The following AGA variants were observed in gnomAD, a reference collection of about 807,000 sequenced individuals.
AGA encodes the protein N(4)-(beta-N-acetylglucosaminyl)-L-asparaginase.
In AGA, 31 loss-of-function variants were observed where a neutral mutation model predicts 40.1. That is an observed-to-expected ratio of 0.77 (90% CI 0.58 to 1.04). The LOEUF is 1.04. Among genes scored for constraint, AGA ranks in the 50% least tolerant of loss-of-function variants. AGA has a pLI of 0.00. For missense variants in AGA, 445 were observed against 435.4 expected (o/e 1.02, Z -0.20); for synonymous variants, 148 against 144.0 (o/e 1.03, Z -0.20).
intron 6 of AGA, among the ~76,000 whole-genome samples, chr4:177,435,785 C>T (rs1560947589): frequency 2.0e-5 from 3 of 150,286 alleles, no homozygotes; most frequent in Non-Finnish European, 3.0e-5. Flanking sequence ...GAGCCCTGAG[C>T]GTGCACGCAC....
Position 177,438,871 on chromosome 4 carries a change from A to T in AGA, c.395-14T>A, listed in dbSNP as rs1001103607. The T allele has an allele frequency of 2.1e-6, 3 of 1,447,274 alleles. No homozygotes were observed. The African/African-American group carries it at 4.2e-5, about 20-fold the overall frequency. The allele number at this position is 1,447,274 out of a possible 1,614,324, so 89.7% of individuals were successfully genotyped here. A position where few individuals can be genotyped will look rare whatever the true frequency, so the allele number is the denominator to read the frequency against. ...CAAATGTGGTGGCTGGAGATTGGAA[A>T]AAAGGAAAGTATAAATTATTCAAGT... On this transcript the variant is annotated splice_polypyrimidine_tract_variant and intron_variant, in intron 3 of 8. Coordinates refer to ENST00000264595, the MANE Select transcript of AGA (RefSeq NM_000027.4).
In AGA at chr4:177,437,432, C is replaced by G; in HGVS notation, c.595G>C (p.Glu199Gln). The G allele has an allele frequency of 6.2e-7, 1 of 1,612,978 alleles. No individual in the cohort carries two copies. Among genetic ancestry groups the G allele is most frequent in the Non-Finnish European group, 8.5e-7 (1 of 1,179,070 alleles). The change falls in exon 5 of 9, where the codon GAA becomes CAA. Residue 199 changes from glutamate (E) to glutamine (Q), a missense_variant. By Grantham distance (29) the Glu-to-Gln change is conservative (BLOSUM62 2). Coordinates refer to ENST00000264595, the MANE Select transcript of AGA (RefSeq NM_000027.4). ...ATAGTGTCATGACCACGATCATCTT[C>G]TGTTTCTTTATGGATAGGAATATCC... ...KQDIPIHKET[E>Q]DDRGHDTIGM...
chr4:177,437,296 T>C, intron 5 of AGA, 109 bp downstream of exon 5: 1 of 800,278 alleles, frequency 1.2e-6, no homozygotes, highest in Non-Finnish European at 2.1e-6. Flanking sequence ...GCACACTTAA[T>C]TGGCAGTTAA....
chr4:177,442,193 AT>A (rs779284468), intron 1 of AGA, 55 bp downstream of exon 1: 21 of 1,606,566 alleles, frequency 1.3e-5, no homozygotes, highest in African/African-American at 2.7e-5. Flanking sequence ...CGGGCTAGTC[AT>A]CCCCACCCGC....
chr4:177,433,761 A>G (rs1468428208), intron 7 of AGA, among the ~76,000 whole-genome samples: 1 of 152,210 alleles, frequency 6.6e-6, no homozygotes, highest in Non-Finnish European at 1.5e-5. Context: ...TCCTACTTTT[A>G]CCATCAATTA....
chr4:177,440,131 A>T, intron 2 of AGA, 142 bp downstream of exon 2: 1 of 1,000,406 alleles, frequency 1.0e-6, no homozygotes, highest in Admixed American at 1.9e-5. Context: ...TGAGAGGGAA[A>T]CTGTGTTTAG....
intron 6 of AGA, among the ~76,000 whole-genome samples, chr4:177,434,985 C>A (rs563856119): frequency 6.6e-6 from 1 of 152,148 alleles, no homozygotes; most frequent in South Asian, 2.1e-4. Context: ...CTGCAACCTC[C>A]GCCTCCTGGG....
At chr4:177,438,564 C>T (rs575387600) in intron 4 of AGA, among the ~76,000 whole-genome samples, 181 bp downstream of exon 4, 80 of 152,234 alleles carry the variant, frequency 5.3e-4, no homozygotes, top group African/African-American at 1.8e-3. Flanking sequence ...GATATGCACC[C>T]AATGCAGCTA....
At chr4:177,440,153 A>G in intron 2 of AGA, 120 bp downstream of exon 2, 2 of 1,231,006 alleles carry the variant, frequency 1.6e-6, no homozygotes, top group South Asian at 2.4e-5. Flanking sequence ...AAGGTCAAGT[A>G]TAATAAGCTA....
intron 3 of AGA, among the ~76,000 whole-genome samples, chr4:177,439,110 C>T (rs893977798): frequency 5.3e-5 from 8 of 152,150 alleles, no homozygotes; most frequent in South Asian, 2.1e-4. Context: ...CGGCCAGGCG[C>T]GGTGGCTCAC....
Position 177,438,778 on chromosome 4 carries a change from C to T in AGA, c.474G>A (p.Trp158Ter). The T allele has an allele frequency of 6.2e-7, 1 of 1,609,564 alleles. No individual in the cohort carries two copies. The highest frequency in any genetic ancestry group is 8.5e-7 in the Non-Finnish European group (1 of 1,175,860). ...AATTTGGCTGGCAATTCCGAGCAAG[C>T]CAATCTGAATGAAGAGCTTGAGAAG... ...TTASQALHSDWLARNCQPNYW... is the reference protein window; with the variant it reads ...TTASQALHSD Residue 158 changes from tryptophan (W) to a stop codon, truncating the protein, a stop_gained, in exon 4 of 9, where the codon TGG becomes TGA. Transcript: ENST00000264595. LOFTEE classifies it high-confidence loss of function.
Position 177,436,281 on chromosome 4 carries a change from T to C in AGA, c.693A>G (p.Ile231Met), listed in dbSNP as rs1579042146. Residue 231 changes from isoleucine (I) to methionine (M), a missense_variant, in exon 6 of 9, where the codon ATA becomes ATG. Ile to Met is a conservative substitution (Grantham distance 10). Coordinates refer to ENST00000264595, the MANE Select transcript of AGA (RefSeq NM_000027.4). ...GTSTNGIKFK[I>M]HGRVGDSPIP... ...GTTCTTTTGGAAACACTAACCCATG[T>C]ATTTTGAATTTTATACCATTTGTAG... is the stretch of plus-strand genomic sequence containing the variant. 2 of 1,610,450 alleles carry C rather than the reference T, an allele frequency of 1.2e-6. No homozygotes were observed. The highest frequency in any genetic ancestry group is 1.3e-5 in the African/African-American group (1 of 74,970).
intron 1 of AGA, 71 bp downstream of exon 1, chr4:177,442,178 C>T (rs910282714): frequency 1.1e-5 from 17 of 1,595,408 alleles, no homozygotes; most frequent in Middle Eastern, 2.1e-4. Context: ...GTGACTGCAG[C>T]GGGGCGGGCT....
At chr4:177,440,748 C>T (rs2111022999) in intron 1 of AGA, among the ~76,000 whole-genome samples, 1 of 151,914 alleles carries the variant, frequency 6.6e-6, no homozygotes, top group South Asian at 2.1e-4. Flanking sequence ...ATCGAAACCA[C>T]TAAAAGGCAG....
At chr4:177,439,472 G>T (rs370022099) in intron 3 of AGA, 104 bp downstream of exon 3, 1 of 879,156 alleles carries the variant, frequency 1.1e-6, no homozygotes, top group Admixed American at 1.7e-5. Context: ...TAAAACAGCT[G>T]GAATTTGAAC....
intron 5 of AGA, 135 bp downstream of exon 5, chr4:177,437,270 A>C (rs1312179367): frequency 4.3e-6 from 3 of 702,834 alleles, no homozygotes; most frequent in Admixed American, 2.2e-5. Context: ...GACAAGATGG[A>C]TCTATCTATA....
At chr4:177,436,374 C>A in intron 5 of AGA, 23 bp from the exon 6 acceptor site, 5 of 1,539,774 alleles carry the variant, frequency 3.2e-6, no homozygotes, top group Non-Finnish European at 4.5e-6. Context: ...AAAAAAAAAT[C>A]ACTGTAGGTG....
chr4:177,433,468 G>T, intron 7 of AGA, 121 bp from the exon 8 acceptor site: 1 of 1,144,666 alleles, frequency 8.7e-7, no homozygotes, highest in Non-Finnish European at 1.3e-6. Context: ...ACACATAAAT[G>T]AACAAGAGTC....
chr4:177,434,325 A>G, intron 7 of AGA, 57 bp downstream of exon 7: 1 of 1,531,950 alleles, frequency 6.5e-7, no homozygotes, highest in Non-Finnish European at 9.0e-7. Context: ...TTCTATCTTA[A>G]AAGAAAAAAA....
Sources: gnomAD v4.1 joint callset for allele counts (sites outside exome capture counted in the v4.1 genomes callset) on GRCh38, gnomAD v4.1.1 for gene constraint, MANE v1.5 for transcripts, NCBI Gene and HGNC (gene_info 2026-07-23, HGNC 2026-07-21) for gene names.